DNAH7: variants seen among roughly 807,000 people sequenced by gnomAD.
DNAH7 encodes dynein axonemal heavy chain 7, also known as axonemal beta dynein heavy chain 7.
A neutral mutation model predicts 444.6 loss-of-function variants in DNAH7; 397 were observed. That is an observed-to-expected ratio of 0.89 (90% CI 0.82 to 0.97). DNAH7 has a LOEUF of 0.97. DNAH7 is among the 50% of genes least tolerant of loss of function. The pLI, the probability that DNAH7 is intolerant of heterozygous loss-of-function variation, is 0.00. For missense variants in DNAH7, 4,902 were observed against 4,800.8 expected, an observed-to-expected ratio of 1.02 and a Z score of -0.62; for synonymous variants, 1,636 against 1,624.4, an observed-to-expected ratio of 1.01 and a Z score of -0.17.
chr2:195,787,261 C>T (rs1044906441), intron 57 of DNAH7, 90 bp from the exon 58 acceptor site: 6 of 1,359,200 alleles, frequency 4.4e-6, no homozygotes, highest in Non-Finnish European at 5.0e-6. Context: ...AAATTTCTTT[C>T]ATTTATAAAT....
At chr2:195,946,455 T>C (rs1689809669) in intron 19 of DNAH7, among the ~76,000 whole-genome samples, 1 of 152,092 alleles carries the variant, frequency 6.6e-6, no homozygotes, top group Non-Finnish European at 1.5e-5. Flanking sequence ...CAGCCAGACC[T>C]GTGTTGGATC....
chr2:195,946,768 T>C (rs929605800), intron 19 of DNAH7, among the ~76,000 whole-genome samples: 1 of 152,044 alleles, frequency 6.6e-6, no homozygotes, highest in African/African-American at 2.4e-5. Flanking sequence ...CAAACCCAGA[T>C]GAGAAGCACA....
intron 40 of DNAH7, among the ~76,000 whole-genome samples, chr2:195,868,212 C>T (rs979734360): frequency 1.8e-4 from 27 of 150,230 alleles, no homozygotes; most frequent in Non-Finnish European, 5.9e-5. Context: ...TCTCCTGCCT[C>T]AGCCTCTCTG....
intron 28 of DNAH7, among the ~76,000 whole-genome samples, chr2:195,898,701 A>G (rs938818893): frequency 6.6e-6 from 1 of 152,200 alleles, no homozygotes; most frequent in Admixed American, 6.5e-5. Context: ...AGAACGCCAC[A>G]TGTTAGCAAG....
chr2:195,852,147 A>G (rs187667844), intron 46 of DNAH7, among the ~76,000 whole-genome samples: 72 of 152,216 alleles, frequency 4.7e-4, no homozygotes, highest in Middle Eastern at 3.4e-3. Flanking sequence ...AGTCCCAGCT[A>G]CTTGGGAGGC....
At position 195,975,256 on chromosome 2, in the gene DNAH7, G is replaced by A. The variant is rs140584822; in HGVS notation, c.1834-2790C>T. Among the ~76,000 whole-genome samples the A allele has an allele frequency of 1.6e-3, 246 of 152,202 alleles. 1 individual carries two copies. Among genetic ancestry groups the A allele is most frequent in the African/African-American group, 5.3e-3 (221 of 41,536 alleles). On this transcript the variant is annotated intron_variant, in intron 15 of 64. Transcript: ENST00000312428. ...GATGCCATCCCTCCCCTGGCCCCCC[G>A]CATCAGCTGCTAGGCACTGAGAATC...
chr2:195,957,358 A>G lies in DNAH7; in HGVS notation c.2981T>C (p.Phe994Ser). 4 of 1,607,524 alleles carry G rather than the reference A, an allele frequency of 2.5e-6. No individual in the cohort carries two copies. The highest frequency in any genetic ancestry group is 3.4e-6 in the Non-Finnish European group (4 of 1,175,578). The change falls in exon 19 of 65, where the codon TTC becomes TCC. Residue 994 changes from phenylalanine (F) to serine (S), a missense_variant. Coordinates refer to ENST00000312428, the MANE Select transcript of DNAH7 (RefSeq NM_018897.3). ...QATWLYLEPI[F>S]SSPDIMSQMP... ...TTGAGACATAATGTCTGGAGAGCTG[A>G]AAATGGGCTCCAGATACAGCCACGT...
chr2:195,913,557 TTTATGAATCACA>T, intron 24 of DNAH7, among the ~76,000 whole-genome samples: 1 of 152,298 alleles, frequency 6.6e-6, no homozygotes, highest in Non-Finnish European at 1.5e-5. Context: ...GTCCAAATAG[TTTATGAATCACA>T]TTAAATATAA....
At chr2:196,059,788 A>G (rs1698033315) in intron 1 of DNAH7, among the ~76,000 whole-genome samples, 1 of 152,130 alleles carries the variant, frequency 6.6e-6, no homozygotes, top group Admixed American at 6.5e-5. Flanking sequence ...TCTCCTCAGC[A>G]AATGTTTGTC....
chr2:195,771,735 G>C lies in DNAH7; in HGVS notation c.11358C>G (p.Val3786=). ...ACTTATTGAACCGTCCCATCTCTTGGACAAGTACAGTGTTCATGCTCTGAG... is the reference window on the plus strand; with the variant it reads ...ACTTATTGAACCGTCCCATCTCTTGCACAAGTACAGTGTTCATGCTCTGAG... ...TYTQSMNTVL[V]QEMGRFNKLL... is the part of the protein sequence containing the mutation. The change falls in exon 61 of 65, where the codon GTC becomes GTG. Residue 3786 remains valine, a synonymous_variant. Transcript: ENST00000312428. 1.2e-6 allele frequency: 2 copies of C among 1,614,048 alleles called. No individual in the cohort carries two copies. Among genetic ancestry groups the C allele is most frequent in the South Asian group, 2.2e-5 (2 of 91,074 alleles).
At chr2:195,929,389 G>A (rs892402807) in intron 21 of DNAH7, among the ~76,000 whole-genome samples, 2 of 152,088 alleles carry the variant, frequency 1.3e-5, no homozygotes, top group African/African-American at 4.8e-5. Flanking sequence ...AAATTCACAT[G>A]GAACCACAAG....
chr2:195,881,833 C>A lies in DNAH7; in HGVS notation c.5923G>T (p.Val1975Leu), dbSNP rs572522578. 6.2e-7 allele frequency: 1 copy of A among 1,614,022 alleles called. No homozygotes were observed. The highest frequency in any genetic ancestry group is 2.2e-5 in the East Asian group (1 of 44,836). ...CTTTTCCCAGTTCCTGTTGGTCCTA[C>A]AAATATTGAAGGCTTTTGATGGGTG... ...LTTHQKPSIF[V>L]GPTGTGKSVY... is the part of the protein sequence containing the mutation. Residue 1975 changes from valine (V) to leucine (L), a missense_variant, in exon 36 of 65, where the codon GTA becomes TTA. Transcript: ENST00000312428.
chr2:195,860,506 C>T (rs147525826), intron 42 of DNAH7, among the ~76,000 whole-genome samples: 73 of 152,032 alleles, frequency 4.8e-4, no homozygotes, highest in African/African-American at 1.6e-3. Flanking sequence ...TGAAAAATTC[C>T]TAAAGGTATG....
At chr2:195,830,232 T>C (rs189619959) in intron 48 of DNAH7, among the ~76,000 whole-genome samples, 56 of 152,266 alleles carry the variant, frequency 3.7e-4, no homozygotes, top group African/African-American at 1.3e-3. Context: ...TTATGGGAAA[T>C]CAAGACTAGG....
In DNAH7 at chr2:195,969,090, G is replaced by A. The variant is rs190826515; in HGVS notation, c.2205+858C>T. 1.4e-3 allele frequency among the ~76,000 whole-genome samples: 207 copies of A among 152,370 alleles called. 1 individual carries two copies. The highest frequency in any genetic ancestry group is 4.8e-3 in the African/African-American group (199 of 41,588). On this transcript the variant is annotated intron_variant, in intron 17 of 64. Coordinates refer to ENST00000312428, the MANE Select transcript of DNAH7 (RefSeq NM_018897.3). ...TGATATGAAGTTAAAACCAGGTAACGTGATTGCTCACCTGATTTTTGGTTC... is the reference window on the plus strand; with the variant it reads ...TGATATGAAGTTAAAACCAGGTAACATGATTGCTCACCTGATTTTTGGTTC...
At chr2:195,815,212 A>C (rs1196645606) in intron 51 of DNAH7, among the ~76,000 whole-genome samples, 2 of 152,094 alleles carry the variant, frequency 1.3e-5, no homozygotes, top group African/African-American at 4.8e-5. Context: ...AAACTTGAAA[A>C]TTTCAGAACT....
At chr2:196,009,363 A>G (rs966546707) in intron 10 of DNAH7, among the ~76,000 whole-genome samples, 1 of 152,184 alleles carries the variant, frequency 6.6e-6, no homozygotes, top group Non-Finnish European at 1.5e-5. Context: ...ATTTCTCAAT[A>G]AAAAAAGAAT....
chr2:196,039,290 A>G (rs776448692), intron 5 of DNAH7, among the ~76,000 whole-genome samples: 3 of 152,216 alleles, frequency 2.0e-5, no homozygotes, highest in Non-Finnish European at 4.4e-5. Flanking sequence ...GGAAATAAAA[A>G]ATTTCTTGAA....
chr2:195,858,562 G>A lies in DNAH7; in HGVS notation c.7979C>T (p.Ala2660Val). ...IANEQAMASK[A>V]IKDECDADLA... Reference sequence around the variant, plus strand: ...GTCAGCATCGCACTCATCTTTGATGGCTTTGGAAGCCATAGCTTGTTCATT... The same window carrying A: ...GTCAGCATCGCACTCATCTTTGATGACTTTGGAAGCCATAGCTTGTTCATT... Residue 2660 changes from alanine (A) to valine (V), a missense_variant, in exon 43 of 65, where the codon GCC becomes GTC. By Grantham distance (64) the Ala-to-Val change is moderately conservative (BLOSUM62 0). Transcript: ENST00000312428. The A allele has an allele frequency of 1.2e-6, 2 of 1,613,916 alleles. No individual in the cohort carries two copies. The highest frequency in any genetic ancestry group is 1.7e-6 in the Non-Finnish European group (2 of 1,179,944).
Sources: allele counts gnomAD v4.1 joint callset (sites outside exome capture counted in the v4.1 genomes callset), GRCh38; gene constraint gnomAD v4.1.1; transcripts MANE v1.5; gene names NCBI Gene and HGNC (gene_info 2026-07-23, HGNC 2026-07-21).